Variants in MYH15 observed in about 807,000 individuals in gnomAD.
The protein encoded by MYH15 is myosin heavy chain 15, also known as myosin-15.
A neutral mutation model predicts 240.5 loss-of-function variants in MYH15; 227 were observed. That is an observed-to-expected ratio of 0.94 (90% CI 0.85 to 1.05). MYH15 has a LOEUF of 1.05. MYH15 is among the 50% of genes least tolerant of loss of function. The probability of loss-of-function intolerance (pLI) is 0.00; values close to 1 mark genes in which losing one functional copy is unlikely to be tolerated. For synonymous variants in MYH15, 785 were observed against 796.7 expected, an observed-to-expected ratio of 0.99 and a Z score of 0.25; for missense variants, 2,217 against 2,247.5, an observed-to-expected ratio of 0.99 and a Z score of 0.27.
At position 108,492,488 on chromosome 3, in the gene MYH15, T is replaced by G. The variant is rs2083357769; in HGVS notation, c.871+12A>C. 2 of 1,587,202 alleles carry G rather than the reference T, an allele frequency of 1.3e-6. No homozygotes were observed. Among genetic ancestry groups the G allele is most frequent in the Non-Finnish European group, 1.7e-6 (2 of 1,156,370 alleles). On this transcript the variant is annotated intron_variant, in intron 9 of 40. Transcript: ENST00000693548. ...TTTGGAATAACCCTAAGCTCCAGAA[T>G]CCTACACTTACCATGAAGCTCTTTT...
chr3:108,423,193 C>A (rs2082697770), intron 27 of MYH15, among the ~76,000 whole-genome samples: 1 of 152,172 alleles, frequency 6.6e-6, no homozygotes, highest in Admixed American at 6.5e-5. Context: ...CAACCCAATG[C>A]AAATGGCGTG....
chr3:108,490,964 T>C (rs140840123), intron 9 of MYH15, among the ~76,000 whole-genome samples: 7 of 152,204 alleles, frequency 4.6e-5, no homozygotes, highest in Non-Finnish European at 8.8e-5. Context: ...CTCAGCTCAC[T>C]GCAACCTCCG....
intron 15 of MYH15, among the ~76,000 whole-genome samples, 184 bp downstream of exon 15, chr3:108,464,454 G>T (rs2083096580): frequency 6.6e-6 from 1 of 152,194 alleles, no homozygotes; most frequent in Non-Finnish European, 1.5e-5. Flanking sequence ...TGTGCACATG[G>T]AATGCTATTG....
At chr3:108,503,375 A>T (rs999294475) in intron 2 of MYH15, among the ~76,000 whole-genome samples, 27 of 152,190 alleles carry the variant, frequency 1.8e-4, no homozygotes, top group African/African-American at 6.5e-4. Context: ...AAATACATAG[A>T]CTGAGAGAAA....
At chr3:108,530,353 C>A (rs563847002), upstream of MYH15, among the ~76,000 whole-genome samples, 1 of 152,312 alleles carries the variant, frequency 6.6e-6, no homozygotes, top group African/African-American at 2.4e-5. Flanking sequence ...AGGCTATACA[C>A]TGTTTGACAA....
In MYH15 at chr3:108,381,306, T is replaced by C; in HGVS notation, c.*239A>G. On this transcript the variant is annotated 3_prime_UTR_variant, in exon 41 of 41. Coordinates refer to ENST00000693548, the MANE Select transcript of MYH15 (RefSeq NM_014981.3). ...AATTGAAAAGGTTCTTCCATTTATTTAATCTGTCATGTGAAGCATTAGAAG... is the reference window on the plus strand; with the variant it reads ...AATTGAAAAGGTTCTTCCATTTATTCAATCTGTCATGTGAAGCATTAGAAG... 3 of 570,344 alleles carry C rather than the reference T, an allele frequency of 5.3e-6. No individual in the cohort carries two copies. The highest frequency in any genetic ancestry group is 4.5e-5 in the South Asian group (2 of 44,720). 35.3% of individuals were successfully genotyped at this position (570,344 alleles called of 1,614,324 possible). A position where few individuals can be genotyped will look rare whatever the true frequency, so the allele number is the denominator to read the frequency against.
At chr3:108,539,457 TTAAA>T in the MYH15 span, among the ~76,000 whole-genome samples, 4 of 152,046 alleles carry the variant, frequency 2.6e-5, no homozygotes, top group Non-Finnish European at 4.4e-5. Flanking sequence ...TCACAATATT[TTAAA>T]TAAATAAAGC....
At chr3:108,464,897 G>C in intron 14 of MYH15, 83 bp from the exon 15 acceptor site, 6 of 1,246,760 alleles carry the variant, frequency 4.8e-6, no homozygotes, top group Non-Finnish European at 3.3e-6. Context: ...TCTTTCCCAG[G>C]AACCTAATCA....
intron 25 of MYH15, among the ~76,000 whole-genome samples, chr3:108,436,214 T>C (rs1033363531): frequency 6.6e-6 from 1 of 151,178 alleles, no homozygotes; most frequent in African/African-American, 2.4e-5. Context: ...CTAAAACTCT[T>C]GACCTGTGGC....
In MYH15 at chr3:108,406,845, A is replaced by C. The variant is rs184835350; in HGVS notation, c.4621-1392T>G. 1.4e-3 allele frequency among the ~76,000 whole-genome samples: 218 copies of C among 152,316 alleles called. 2 individuals are homozygous for C. The highest frequency in any genetic ancestry group is 5.0e-3 in the African/African-American group (208 of 41,566). The stretch of plus-strand genomic sequence containing the variant: ...CTTGACCCACGTGATGATCGACTGA[A>C]TACACAAAGATGCCTCTGTGTTATA... On this transcript the variant is annotated intron_variant, in intron 32 of 40. Transcript: ENST00000693548.
rs200083906 is a variant in MYH15, at chr3:108,421,131, T to C, written c.3786A>G (p.Ala1262=). ...TAKLDKVTQL[A]NDLAAQKTKL... Reference sequence around the variant, plus strand: ...TTGTCTTTTGTGCTGCCAGGTCATTTGCCAACTGAGTCACCTTATCTAGCT... The same window carrying C: ...TTGTCTTTTGTGCTGCCAGGTCATTCGCCAACTGAGTCACCTTATCTAGCT... Residue 1262 remains alanine (A), a synonymous_variant, in exon 28 of 41, where the codon GCA becomes GCG. Coordinates refer to ENST00000693548, the MANE Select transcript of MYH15 (RefSeq NM_014981.3). 82 of 1,614,196 alleles carry C rather than the reference T, an allele frequency of 5.1e-5. 1 individual carries two copies. In the East Asian group the frequency reaches 1.7e-3, roughly 33 times the overall value.
chr3:108,389,078 C>A lies in MYH15; in HGVS notation c.5431-4G>T, dbSNP rs7616341. The A allele has an allele frequency of 0.28, 455,218 of 1,612,944 alleles. 67,407 individuals carry two copies. The highest frequency in any genetic ancestry group is 0.31 in the Non-Finnish European group (364,257 of 1,179,288). ...GTTCACCTTCCAGTTCACGAACCTG[C>A]AACCAAAACGTGACCTCAGACCAGA... is the stretch of plus-strand genomic sequence containing the variant. On this transcript the variant is annotated splice_region_variant and splice_polypyrimidine_tract_variant and intron_variant, in intron 37 of 40. Transcript: ENST00000693548.
intron 35 of MYH15, among the ~76,000 whole-genome samples, chr3:108,394,838 G>C (rs1432494594): frequency 1.3e-5 from 2 of 152,164 alleles, no homozygotes; most frequent in Non-Finnish European, 2.9e-5. Context: ...TTTTCTGAGG[G>C]TGTGAAAACT....
At chr3:108,456,470 A>G (rs760702640) in intron 19 of MYH15, among the ~76,000 whole-genome samples, 4 of 152,182 alleles carry the variant, frequency 2.6e-5, no homozygotes, top group Non-Finnish European at 4.4e-5. Flanking sequence ...AAGTATACAC[A>G]ACATTTCAGA....
chr3:108,520,683 G>C (rs2083611169), intron 1 of MYH15, among the ~76,000 whole-genome samples: 1 of 152,132 alleles, frequency 6.6e-6, no homozygotes, highest in African/African-American at 2.4e-5. Flanking sequence ...TATTAAAAGA[G>C]AAGCAGCAAC....
At chr3:108,408,681 T>C (rs1347449428) in intron 31 of MYH15, among the ~76,000 whole-genome samples, 1 of 152,238 alleles carries the variant, frequency 6.6e-6, no homozygotes, top group African/African-American at 2.4e-5. Flanking sequence ...AACTTTTACA[T>C]GACAGTCCTG....
rs1263294666 is a variant in MYH15, at chr3:108,410,662, C to T, written c.4416G>A (p.Glu1472=). 3.1e-6 allele frequency: 5 copies of T among 1,614,174 alleles called. No individual in the cohort carries two copies. In the South Asian group the frequency reaches 5.5e-5, roughly 18 times the overall value. ...SQKEVQALST[E]LLKLKNTYEE... is the part of the protein sequence containing the mutation. ...CATAGGTGTTCTTGAGCTTGAGGAG[C>T]TCTGTACTGAGAGCCTGAACTTCCT... Residue 1472 remains glutamate (E), a synonymous_variant, in exon 31 of 41, where the codon GAG becomes GAA. Coordinates refer to ENST00000693548, the MANE Select transcript of MYH15 (RefSeq NM_014981.3).
In MYH15 at chr3:108,506,418, C is replaced by G. The variant is rs1338272338; in HGVS notation, c.89-589G>C. On this transcript the variant is annotated intron_variant, in intron 1 of 40. Transcript: ENST00000693548. ...ATTTCCCCCAATATGTTATTTTTCTCTCTTCAGCGTCCTCAGTTCCTATAC... is the reference window on the plus strand; with the variant it reads ...ATTTCCCCCAATATGTTATTTTTCTGTCTTCAGCGTCCTCAGTTCCTATAC... Among the ~76,000 whole-genome samples, 3 of 152,100 alleles carry G rather than the reference C, an allele frequency of 2.0e-5. No individual in the cohort carries two copies. The East Asian group carries it at 5.8e-4, about 29-fold the overall frequency.
chr3:108,420,147 G>A (rs1381687585), intron 28 of MYH15, among the ~76,000 whole-genome samples: 1 of 152,132 alleles, frequency 6.6e-6, no homozygotes, highest in African/African-American at 2.4e-5. Flanking sequence ...AAAATCCATA[G>A]TGGTTGATAA....
Sources: gnomAD v4.1 joint callset for allele counts (sites outside exome capture counted in the v4.1 genomes callset) on GRCh38, gnomAD v4.1.1 for gene constraint, MANE v1.5 for transcripts, NCBI Gene and HGNC (gene_info 2026-07-23, HGNC 2026-07-21) for gene names.